Variants in PARVA observed in about 807,000 individuals in gnomAD.
The protein encoded by PARVA is alpha-parvin.
PARVA carries 25 observed loss-of-function variants against 52.6 expected under a neutral mutation model. The ratio of observed to expected loss-of-function variants is 0.48; its 90% CI spans 0.35 to 0.66. The LOEUF is 0.66. Ranked by LOEUF, PARVA falls within the 30% of genes least tolerant of loss-of-function variation. PARVA has a pLI of 0.01. For missense variants in PARVA, 373 were observed against 450.9 expected, an observed-to-expected ratio of 0.83 and a Z score of 1.56; for synonymous variants, 185 against 179.1, an observed-to-expected ratio of 1.03 and a Z score of -0.26.
intron 1 of PARVA, among the ~76,000 whole-genome samples, chr11:12,436,186 T>C: frequency 6.6e-6 from 1 of 152,206 alleles, no homozygotes; most frequent in East Asian, 1.9e-4. Flanking sequence ...ATAATGTGCA[T>C]ATTAGGAACA....
At chr11:12,520,358 G>A in intron 12 of PARVA, among the ~76,000 whole-genome samples, 1 of 152,246 alleles carries the variant, frequency 6.6e-6, no homozygotes, top group East Asian at 1.9e-4. Flanking sequence ...TACCTGGAAA[G>A]TGAGATTTGG....
At chr11:12,395,232 G>A (rs1176655499) in intron 1 of PARVA, among the ~76,000 whole-genome samples, 2 of 152,100 alleles carry the variant, frequency 1.3e-5, no homozygotes. Context: ...AACTGCTGTT[G>A]TTCAAAGGTC....
chr11:12,402,684 C>T (rs979846166), intron 1 of PARVA, among the ~76,000 whole-genome samples: 6 of 152,202 alleles, frequency 3.9e-5, no homozygotes, highest in Non-Finnish European at 8.8e-5. Flanking sequence ...CCATAGTAGG[C>T]TCTCAATAAA....
intron 1 of PARVA, among the ~76,000 whole-genome samples, chr11:12,405,733 G>T (rs930594981): frequency 1.3e-5 from 2 of 152,150 alleles, no homozygotes; most frequent in African/African-American, 4.8e-5. Flanking sequence ...GAGGTGGGTG[G>T]ATCACTTAAG....
chr11:12,513,183 T>G, intron 8 of PARVA, 116 bp from the exon 9 acceptor site: 1 of 831,620 alleles, frequency 1.2e-6, no homozygotes, highest in Non-Finnish European at 2.1e-6. Context: ...CCCCAGAGGC[T>G]TCCCATCGGT....
intron 12 of PARVA, among the ~76,000 whole-genome samples, chr11:12,524,283 G>T (rs1941674660): frequency 6.6e-6 from 1 of 152,200 alleles, no homozygotes; most frequent in African/African-American, 2.4e-5. Context: ...AATTTTACCA[G>T]TGAGAAAACT....
intron 1 of PARVA, chr11:12,398,191 T>C (rs1465875496): frequency 6.6e-6 from 1 of 151,876 alleles, no homozygotes; most frequent in African/African-American, 2.4e-5. Context: ...TCCAAAGCCA[T>C]GGTGAGGAGG....
Position 12,483,049 on chromosome 11 carries a change from G to A in PARVA, c.400+5100G>A, listed in dbSNP as rs898809777. On this transcript the variant is annotated intron_variant, in intron 4 of 12. Coordinates refer to ENST00000334956, the MANE Select transcript of PARVA (RefSeq NM_018222.5). The stretch of plus-strand genomic sequence containing the variant: ...TCTCCAATTGTGAGCTCAATGGGGA[G>A]CAATAGCATGCCTGGCTCACCTCTG... Among the ~76,000 whole-genome samples the A allele has an allele frequency of 2.0e-5, 3 of 152,230 alleles. No homozygotes were observed. In the South Asian group the frequency reaches 6.2e-4, roughly 32 times the overall value.
At chr11:12,499,512 T>G in intron 5 of PARVA, among the ~76,000 whole-genome samples, 1 of 152,140 alleles carries the variant, frequency 6.6e-6, no homozygotes, top group African/African-American at 2.4e-5. Flanking sequence ...ATTTAAATAT[T>G]AACGTTTAAC....
At position 12,534,443 on chromosome 11, in the gene PARVA, A is replaced by G. The variant is rs930135874; in HGVS notation, c.*6518A>G. ...GAACCCTCCTGAACTTTCTACACAC[A>G]TGTGGGCACTGGCTTTGATACTGGC... On this transcript the variant is annotated 3_prime_UTR_variant, in exon 13 of 13. Transcript: ENST00000334956. 3.3e-4 allele frequency among the ~76,000 whole-genome samples: 50 copies of G among 152,252 alleles called. No individual in the cohort carries two copies. Among genetic ancestry groups the G allele is most frequent in the African/African-American group, 1.2e-3 (48 of 41,542 alleles).
chr11:12,483,147 AG>A (rs1182748876), intron 4 of PARVA, among the ~76,000 whole-genome samples: 1 of 152,174 alleles, frequency 6.6e-6, no homozygotes, highest in African/African-American at 2.4e-5. Flanking sequence ...CACAGGCCCC[AG>A]GCATTTCTGG....
Position 12,473,779 on chromosome 11 carries a change from C to T in PARVA, c.171C>T (p.Ile57=). 6.4e-7 allele frequency: 1 copy of T among 1,569,928 alleles called. No individual in the cohort carries two copies. Among genetic ancestry groups the T allele is most frequent in the Non-Finnish European group, 8.6e-7 (1 of 1,156,516 alleles). ...SELQEEGMNA[I]NLPLSPIPFE... ...TGCAGGAGGAGGGAATGAACGCCAT[C>T]AACCTGCCCCTCAGCCCAATTCCCT... Residue 57 remains isoleucine (I), a synonymous_variant, in exon 2 of 13, where the codon ATC becomes ATT. Coordinates refer to ENST00000334956, the MANE Select transcript of PARVA (RefSeq NM_018222.5).
chr11:12,401,605 T>C (rs77475569), intron 1 of PARVA, among the ~76,000 whole-genome samples: 3,138 of 152,268 alleles, frequency 0.021, 117 homozygotes, highest in African/African-American at 0.072. Context: ...TACTGAAGTA[T>C]AGAATTATCT....
intron 1 of PARVA, among the ~76,000 whole-genome samples, chr11:12,422,880 G>A (rs141938777): frequency 4.2e-4 from 64 of 152,084 alleles, no homozygotes; most frequent in African/African-American, 1.4e-3. Context: ...ATTTGATACT[G>A]AGTCTTGCTC....
intron 1 of PARVA, among the ~76,000 whole-genome samples, chr11:12,451,187 C>A (rs1403621657): frequency 2.0e-5 from 3 of 152,194 alleles, no homozygotes; most frequent in African/African-American, 7.2e-5. Flanking sequence ...ATGAGAGGAT[C>A]TGGTCCTTAT....
At chr11:12,417,969 C>T (rs1306487772) in intron 1 of PARVA, among the ~76,000 whole-genome samples, 1 of 152,222 alleles carries the variant, frequency 6.6e-6, no homozygotes, top group Non-Finnish European at 1.5e-5. Context: ...GATGCTGATG[C>T]AGAGTGCCTG....
chr11:12,429,385 G>A (rs187674962), intron 1 of PARVA, among the ~76,000 whole-genome samples: 14 of 152,290 alleles, frequency 9.2e-5, no homozygotes, highest in Non-Finnish European at 2.9e-5. Context: ...TTGCACGTTG[G>A]TAAATGTTTA....
chr11:12,449,571 A>C (rs190594262), intron 1 of PARVA, among the ~76,000 whole-genome samples: 124 of 152,268 alleles, frequency 8.1e-4, no homozygotes, highest in African/African-American at 2.9e-3. Context: ...CTCTTTTACC[A>C]CAGGTTCTAG....
At chr11:12,499,232 G>A (rs989664000) in intron 5 of PARVA, among the ~76,000 whole-genome samples, 10 of 152,278 alleles carry the variant, frequency 6.6e-5, no homozygotes, top group African/African-American at 2.2e-4. Context: ...GAAGAGCTGG[G>A]CTTATTTACA....
Sources: allele counts gnomAD v4.1 joint callset (sites outside exome capture counted in the v4.1 genomes callset), GRCh38; gene constraint gnomAD v4.1.1; transcripts MANE v1.5; gene names NCBI Gene and HGNC (gene_info 2026-07-23, HGNC 2026-07-21).